The following IARS1 variants were observed in gnomAD, a reference collection of about 807,000 sequenced individuals.
The protein encoded by IARS1 is isoleucyl-tRNA synthetase 1.
In IARS1, 124 loss-of-function variants were observed where a neutral mutation model predicts 168.2. That is an observed-to-expected ratio of 0.74 (90% CI 0.64 to 0.86). The LOEUF (loss-of-function observed/expected upper bound fraction) is 0.86. Ranked by LOEUF, IARS1 falls within the 40% of genes least tolerant of loss-of-function variation. The pLI, the probability that IARS1 is intolerant of heterozygous loss-of-function variation, is 0.00. For synonymous variants in IARS1, 532 were observed against 529.4 expected, an observed-to-expected ratio of 1.00 and a Z score of -0.07; for missense variants, 1,452 against 1,515.8, an observed-to-expected ratio of 0.96 and a Z score of 0.70.
chr9:92,221,702 C>T (rs757738030), intron 33 of IARS1, among the ~76,000 whole-genome samples: 8 of 152,108 alleles, frequency 5.3e-5, no homozygotes, highest in Non-Finnish European at 1.0e-4. Flanking sequence ...AAGTGCAGGT[C>T]GCCATCCTTA....
chr9:92,228,890 AAG>A (rs1221980631), intron 31 of IARS1, 109 bp downstream of exon 31: 36 of 1,262,168 alleles, frequency 2.9e-5, no homozygotes, highest in African/African-American at 4.4e-5. Context: ...GCCCTGACTC[AAG>A]AGAGTTAGGA....
chr9:92,257,710 G>C (rs1439547314), intron 19 of IARS1, among the ~76,000 whole-genome samples: 1 of 152,224 alleles, frequency 6.6e-6, no homozygotes, highest in Non-Finnish European at 1.5e-5. Context: ...CTGCCTGCTG[G>C]AGTGGGATAA....
At chr9:92,261,645 T>C (rs553495654) in intron 17 of IARS1, among the ~76,000 whole-genome samples, 2 of 152,250 alleles carry the variant, frequency 1.3e-5, no homozygotes, top group South Asian at 4.1e-4. Flanking sequence ...TGATATATAC[T>C]GTAGTTTTGC....
chr9:92,275,483 ATTG>A (rs997868485), intron 9 of IARS1, among the ~76,000 whole-genome samples: 1 of 152,224 alleles, frequency 6.6e-6, no homozygotes, highest in African/African-American at 2.4e-5. Context: ...TAAAATTTTA[ATTG>A]TTGTAACCTA....
At chr9:92,252,901 G>C (rs1830223236) in intron 21 of IARS1, among the ~76,000 whole-genome samples, 2 of 149,262 alleles carry the variant, frequency 1.3e-5, no homozygotes, top group East Asian at 4.0e-4. Context: ...CTTAAGTCCT[G>C]AGACCAGGAC....
intron 1 of IARS1, among the ~76,000 whole-genome samples, chr9:92,291,202 C>T (rs982669669): frequency 2.6e-5 from 4 of 151,912 alleles, no homozygotes; most frequent in South Asian, 2.1e-4. Flanking sequence ...AGGTGGGTGA[C>T]GAGCTTTCCA....
chr9:92,288,267 A>T lies in IARS1; in HGVS notation c.135T>A (p.Asp45Glu). The change falls in exon 3 of 34, where the codon GAT becomes GAA. Residue 45 changes from aspartate to glutamate, a missense_variant. Transcript: ENST00000443024. ...SKHKPKFTFY[D>E]GPPFATGLPH... ...GCAGTCCAGTTGCAAAAGGAGGACC[A>T]TCATAGAAGGTAAATCTAACAGGTA... 1 of 1,614,040 alleles carries T rather than the reference A, an allele frequency of 6.2e-7. No individual in the cohort carries two copies. Among genetic ancestry groups the T allele is most frequent in the Non-Finnish European group, 8.5e-7 (1 of 1,179,944 alleles).
intron 25 of IARS1, among the ~76,000 whole-genome samples, chr9:92,248,652 CAAAAAAA>C (rs886459066): frequency 0.016 from 764 of 46,742 alleles, 4 homozygotes; most frequent in Non-Finnish European, 0.025. Context: ...GACCCTGTCA[CAAAAAAA>C]AAAAAAAAAA....
chr9:92,264,583 C>T (rs111730037), intron 16 of IARS1, among the ~76,000 whole-genome samples: 2 of 152,308 alleles, frequency 1.3e-5, no homozygotes, highest in Admixed American at 6.5e-5. Context: ...ACCCAAACTA[C>T]TGTCTTTTAT....
At chr9:92,256,411 A>ACT (rs1830727848) in intron 20 of IARS1, 1 of 191,188 alleles carries the variant, frequency 5.2e-6, no homozygotes, top group East Asian at 1.2e-4. Context: ...CTGGTCTCGA[A>ACT]CTCCTGACCT....
At chr9:92,269,234 C>T (rs1832697159) in intron 13 of IARS1, among the ~76,000 whole-genome samples, 1 of 152,196 alleles carries the variant, frequency 6.6e-6, no homozygotes, top group African/African-American at 2.4e-5. Context: ...TTCTCCTAAA[C>T]TCAGATACAG....
At chr9:92,235,827 G>C (rs1325283023) in intron 30 of IARS1, among the ~76,000 whole-genome samples, 2 of 151,504 alleles carry the variant, frequency 1.3e-5, no homozygotes, top group Admixed American at 6.6e-5. Context: ...GCCTGGACTA[G>C]ATTGATTTTT....
At chr9:92,279,421 T>A (rs1375640237) in intron 7 of IARS1, among the ~76,000 whole-genome samples, 1 of 152,202 alleles carries the variant, frequency 6.6e-6, no homozygotes, top group Admixed American at 6.5e-5. Context: ...AGGGAAATTG[T>A]GCAGATGGGA....
chr9:92,288,309 C>T lies in IARS1; in HGVS notation c.120-27G>A, dbSNP rs190730930. On this transcript the variant is annotated intron_variant, in intron 2 of 33. Coordinates refer to ENST00000443024, the MANE Select transcript of IARS1 (RefSeq NM_002161.6). Reference sequence around the variant, plus strand: ...TAACAGGTAATAAAAATATATCAAGCCATTTAAAAACAGCCAAAATTTAAG... The same window carrying T: ...TAACAGGTAATAAAAATATATCAAGTCATTTAAAAACAGCCAAAATTTAAG... 8 of 1,611,866 alleles carry T rather than the reference C, an allele frequency of 5.0e-6. No individual in the cohort carries two copies. In the Admixed American group the frequency reaches 1.2e-4, roughly 24 times the overall value.
intron 31 of IARS1, among the ~76,000 whole-genome samples, chr9:92,227,954 A>G (rs528378429): frequency 4.5e-4 from 69 of 152,310 alleles, no homozygotes; most frequent in African/African-American, 1.6e-3. Context: ...CAGAGGCTGC[A>G]ATCTCGGCAC....
chr9:92,268,147 A>G (rs1477745263), intron 14 of IARS1, 27 bp downstream of exon 14: 1 of 1,539,276 alleles, frequency 6.5e-7, no homozygotes, highest in East Asian at 2.4e-5. Context: ...GCAAAAATCA[A>G]CACAAGGAAA....
intron 11 of IARS1, among the ~76,000 whole-genome samples, 159 bp from the exon 12 acceptor site, chr9:92,271,235 C>T (rs1832981572): frequency 6.6e-6 from 1 of 152,112 alleles, no homozygotes; most frequent in Non-Finnish European, 1.5e-5. Context: ...CAAGTACATT[C>T]CACAACATTT....
intron 14 of IARS1, among the ~76,000 whole-genome samples, chr9:92,267,617 C>T (rs904908375): frequency 2.0e-5 from 3 of 152,168 alleles, no homozygotes; most frequent in African/African-American, 7.2e-5. Flanking sequence ...CCTTGGCCTC[C>T]CTAAGTGCTG....
intron 17 of IARS1, 94 bp downstream of exon 17, chr9:92,262,875 T>C (rs1032810704): frequency 1.2e-6 from 1 of 833,376 alleles, no homozygotes; most frequent in Admixed American, 2.0e-5. Flanking sequence ...AAGCTCCACC[T>C]GTCACTACAA....
Sources: allele counts gnomAD v4.1 joint callset (sites outside exome capture counted in the v4.1 genomes callset), GRCh38; gene constraint gnomAD v4.1.1; transcripts MANE v1.5; gene names NCBI Gene and HGNC (gene_info 2026-07-23, HGNC 2026-07-21).